Variants in PABPC4 observed in about 807,000 individuals in gnomAD.
The protein encoded by PABPC4 is polyadenylate-binding protein 4.
A neutral mutation model predicts 74.5 loss-of-function variants in PABPC4; 15 were observed. The ratio of observed to expected loss-of-function variants is 0.20; its 90% CI spans 0.13 to 0.31. The LOEUF is 0.31. PABPC4 is among the 10% of genes least tolerant of loss of function. The probability of loss-of-function intolerance (pLI) is 1.00; values close to 1 mark genes in which losing one functional copy is unlikely to be tolerated. For synonymous variants in PABPC4, 345 were observed against 303.0 expected, an observed-to-expected ratio of 1.14 and a Z score of -1.44; for missense variants, 610 against 853.5, an observed-to-expected ratio of 0.71 and a Z score of 3.55.
rs1425929881 is a variant in PABPC4, at chr1:39,576,517, G to GGC, written c.-567_-566insGC. 1 of 150,296 alleles carries GGC rather than the reference G, an allele frequency of 6.7e-6. No individual in the cohort carries two copies. The highest frequency in any genetic ancestry group is 2.4e-5 in the African/African-American group (1 of 41,064). The allele number at this position is 150,296 out of a possible 1,614,324, so 9.3% of individuals were successfully genotyped here. On this transcript the variant is annotated 5_prime_UTR_variant, in exon 1 of 16. Transcript: ENST00000372858. ...GGGCGCGGGGCTCGGGGCCCGAGCG[G>GGC]GGGGAGGGCACGGCGGGCCGGGCGG...
chr1:39,575,080 T>G (rs1646004222), intron 1 of PABPC4, among the ~76,000 whole-genome samples: 1 of 152,124 alleles, frequency 6.6e-6, no homozygotes, highest in Non-Finnish European at 1.5e-5. Flanking sequence ...AAGTGACGCT[T>G]CCCTAAACTA....
At chr1:39,566,118 T>C (rs1012737979) in intron 7 of PABPC4, among the ~76,000 whole-genome samples, 2 of 152,148 alleles carry the variant, frequency 1.3e-5, no homozygotes, top group African/African-American at 4.8e-5. Flanking sequence ...ATGATATGGC[T>C]AATAATAAAA....
intron 3 of PABPC4, 87 bp from the exon 4 acceptor site, chr1:39,570,089 ACAGG>A (rs1645916339): frequency 7.5e-6 from 10 of 1,339,124 alleles, no homozygotes; most frequent in South Asian, 3.9e-5. Flanking sequence ...TTAAAGACTG[ACAGG>A]AGAGGTTAAA....
intron 7 of PABPC4, 125 bp downstream of exon 7, chr1:39,567,626 A>T: frequency 1.4e-6 from 1 of 702,440 alleles, no homozygotes; most frequent in Non-Finnish European, 2.6e-6. Flanking sequence ...AAATTTTGCT[A>T]GAAAAACGTA....
Position 39,561,025 on chromosome 1 carries a change from T to C in PABPC4, c.*111A>G, listed in dbSNP as rs923876803. 1 of 409,308 alleles carries C rather than the reference T, an allele frequency of 2.4e-6. No individual in the cohort carries two copies. Among genetic ancestry groups the C allele is most frequent in the African/African-American group, 2.1e-5 (1 of 47,676 alleles). The allele number at this position is 409,308 out of a possible 1,614,324, so 25.4% of individuals were successfully genotyped here. A position where few individuals can be genotyped will look rare whatever the true frequency, so the allele number is the denominator to read the frequency against. On this transcript the variant is annotated 3_prime_UTR_variant, in exon 16 of 16. Coordinates refer to ENST00000372858, the MANE Select transcript of PABPC4 (RefSeq NM_001135653.2). ...TTGATACAAAATGACCTATTAAATTTGCAATTTGTAATCCTTGGTGTTGAG... is the reference window on the plus strand; with the variant it reads ...TTGATACAAAATGACCTATTAAATTCGCAATTTGTAATCCTTGGTGTTGAG...
At chr1:39,561,600 T>C (rs1645770735) in intron 15 of PABPC4, 85 bp downstream of exon 15, 1 of 881,648 alleles carries the variant, frequency 1.1e-6, no homozygotes, top group Admixed American at 2.0e-5. Flanking sequence ...GCAGTGAGCA[T>C]ATATACAACC....
Position 39,569,934 on chromosome 1 carries a change from G to C in PABPC4, c.572C>G (p.Thr191Ser). 2.5e-6 allele frequency: 4 copies of C among 1,613,994 alleles called. No homozygotes were observed. Among genetic ancestry groups the C allele is most frequent in the Non-Finnish European group, 3.4e-6 (4 of 1,179,970 alleles). Residue 191 changes from threonine (T) to serine (S), a missense_variant, in exon 4 of 16, where the codon ACC becomes AGC. This residue lies in a region of PABPC4 where 304 missense variants were observed against 478.9 expected (regional missense o/e 0.63). Transcript: ENST00000372858. ...CCCAAAGTTTTTGATATAAACATTGGTGAATTCCTTGGCTTTGGCTCCAAG... is the reference window on the plus strand; with the variant it reads ...CCCAAAGTTTTTGATATAAACATTGCTGAATTCCTTGGCTTTGGCTCCAAG... ...AELGAKAKEF[T>S]NVYIKNFGEE... is the part of the protein sequence containing the mutation.
chr1:39,565,811 G>T (rs1645828463), intron 7 of PABPC4, among the ~76,000 whole-genome samples: 1 of 151,432 alleles, frequency 6.6e-6, no homozygotes, highest in Non-Finnish European at 1.5e-5. Context: ...CTGGGCGACA[G>T]AGCGAGACTC....
chr1:39,570,398 G>A lies in PABPC4; in HGVS notation c.504-396C>T, dbSNP rs1361549780. ...TTGTTGGAGTGAAGGGGCACCCTTTGCTTTTTAAATTTATTTATTTTGGTC... is the reference window on the plus strand; with the variant it reads ...TTGTTGGAGTGAAGGGGCACCCTTTACTTTTTAAATTTATTTATTTTGGTC... On this transcript the variant is annotated intron_variant, in intron 3 of 15. Transcript: ENST00000372858. 4 of 174,884 alleles carry A rather than the reference G, an allele frequency of 2.3e-5. No homozygotes were observed. The East Asian group carries it at 6.3e-4, about 27-fold the overall frequency. The allele number at this position is 174,884 out of a possible 1,614,324, so 10.8% of individuals were successfully genotyped here.
chr1:39,570,131 A>T, intron 3 of PABPC4, 129 bp from the exon 4 acceptor site: 1 of 879,248 alleles, frequency 1.1e-6, no homozygotes, highest in South Asian at 1.7e-5. Flanking sequence ...ACCACCAAGG[A>T]GGCTCAGAGA....
chr1:39,566,571 TTTATGTC>T (rs1222614871), intron 7 of PABPC4, among the ~76,000 whole-genome samples: 1 of 152,220 alleles, frequency 6.6e-6, no homozygotes, highest in Non-Finnish European at 1.5e-5. Flanking sequence ...CTGTCATTGT[TTTATGTC>T]TTAGTTAATG....
chr1:39,568,990 A>T (rs768637921), intron 5 of PABPC4, 51 bp from the exon 6 acceptor site: 49 of 1,570,742 alleles, frequency 3.1e-5, no homozygotes, highest in Non-Finnish European at 3.5e-5. Flanking sequence ...ATGGGGTCTT[A>T]TTCTGGAGGT....
intron 2 of PABPC4, 96 bp from the exon 3 acceptor site, chr1:39,571,445 T>C: frequency 6.9e-7 from 1 of 1,448,664 alleles, no homozygotes; most frequent in Non-Finnish European, 9.6e-7. Context: ...CTCTAGCCCA[T>C]CCATGGCCAA....
chr1:39,571,491 C>A, intron 2 of PABPC4, 142 bp from the exon 3 acceptor site: 1 of 829,340 alleles, frequency 1.2e-6, no homozygotes, highest in Admixed American at 2.3e-5. Context: ...TTTTCTAACA[C>A]CTAGCACAGC....
rs1465003808 is a variant in PABPC4 at position 39,563,642 on chromosome 1, C to T, written c.1640G>A (p.Ser547Asn). 1.9e-6 allele frequency: 3 copies of T among 1,614,154 alleles called. No individual in the cohort carries two copies. Among genetic ancestry groups the T allele is most frequent in the South Asian group, 1.1e-5 (1 of 91,060 alleles). Residue 547 changes from serine (S) to asparagine (N), a missense_variant, in exon 12 of 16, where the codon AGC (serine) becomes AAC (asparagine). Ser to Asn is a conservative substitution (Grantham distance 46). Coordinates refer to ENST00000372858, the MANE Select transcript of PABPC4 (RefSeq NM_001135653.2). ...CAGAGGCTGTATGGCAGGATGAGGG[C>T]TGCGGACACTGGAGGCGTATTTGTA... ...APYKYASSVR[S>N]PHPAIQPLQA...
At position 39,563,734 on chromosome 1, in the gene PABPC4, G is replaced by A. The variant is rs376290147; in HGVS notation, c.1548C>T (p.Pro516=). 1.2e-6 allele frequency: 2 copies of A among 1,614,058 alleles called. No individual in the cohort carries two copies. Among genetic ancestry groups the A allele is most frequent in the African/African-American group, 1.3e-5 (1 of 74,960 alleles). The change falls in exon 12 of 16, where the codon CCC becomes CCT. Residue 516 remains proline, a synonymous_variant. Transcript: ENST00000372858. ...GTGGCGCTAAGTTCTGCACAGCTGT[G>A]GGAACGCCTTAGGGAAAGAACAAAT... is the stretch of plus-strand genomic sequence containing the variant. ...LTDSCQSGGV[P]TAVQNLAPRA...
intron 10 of PABPC4, chr1:39,564,218 T>C (rs1374531576): frequency 6.1e-6 from 4 of 650,684 alleles, no homozygotes; most frequent in African/African-American, 5.5e-5. Flanking sequence ...AGGTCACCGA[T>C]GAGCAAAGAA....
intron 7 of PABPC4, among the ~76,000 whole-genome samples, chr1:39,566,078 C>A (rs1005649129): frequency 2.8e-4 from 43 of 152,162 alleles, no homozygotes; most frequent in African/African-American, 1.0e-3. Context: ...TTCTTTGAGT[C>A]CCCAGGTGAT....
intron 15 of PABPC4, 31 bp from the exon 16 acceptor site, chr1:39,561,153 G>A (rs1011254463): frequency 6.4e-6 from 3 of 470,246 alleles, no homozygotes; most frequent in African/African-American, 6.0e-5. Flanking sequence ...ACAAATAAAT[G>A]CATAATCAAA....
Sources: allele counts gnomAD v4.1 joint callset (sites outside exome capture counted in the v4.1 genomes callset), GRCh38; gene constraint gnomAD v4.1.1; regional missense constraint gnomAD v4.1.1; transcripts MANE v1.5; gene names NCBI Gene and HGNC (gene_info 2026-07-23, HGNC 2026-07-21).